CSMD2: variants seen among roughly 807,000 people sequenced by gnomAD.
CSMD2 encodes the protein CUB and Sushi multiple domains 2.
CSMD2 carries 130 observed loss-of-function variants against 398.5 expected under a neutral mutation model. The ratio of observed to expected loss-of-function variants is 0.33; its 90% CI spans 0.28 to 0.38. CSMD2 has a LOEUF of 0.38. Ranked by LOEUF, CSMD2 falls within the 10% of genes least tolerant of loss-of-function variation. The pLI is 1.00. For synonymous variants in CSMD2, 1,828 were observed against 1,908.5 expected, an observed-to-expected ratio of 0.96 and a Z score of 1.10; for missense variants, 3,829 against 4,764.9, an observed-to-expected ratio of 0.80 and a Z score of 5.78.
chr1:33,700,198 G>T (rs1645563398), intron 23 of CSMD2, among the ~76,000 whole-genome samples: 1 of 152,046 alleles, frequency 6.6e-6, no homozygotes, highest in Non-Finnish European at 1.5e-5. Flanking sequence ...TAGTAGAGAT[G>T]GGGTTTCACC....
At chr1:33,764,265 C>T (rs868093052) in intron 13 of CSMD2, among the ~76,000 whole-genome samples, 1 of 152,120 alleles carries the variant, frequency 6.6e-6, no homozygotes, top group African/African-American at 2.4e-5. Context: ...CCCTGGACTC[C>T]CTCAACTCTG....
In CSMD2 at chr1:34,164,939, A is replaced by C. The variant is rs182416674; in HGVS notation, c.159T>G (p.Cys53Trp). The change falls in exon 1 of 71, where the codon TGT becomes TGG. Residue 53 changes from cysteine (C) to tryptophan (W), a missense_variant. Around this residue, in one of 5 missense-constraint regions of CSMD2, gnomAD observed 184 missense variants for 217.7 expected, o/e 0.85. Transcript: ENST00000373381. The surrounding 1 kb of genome is among the most constrained non-coding windows in gnomAD (Gnocchi z 6.2). ...CGGCGGCCGAGACGCTGAGCAACCCACAGCCCAGCAACAGCAGCAGAGGCG... is the reference window on the plus strand; with the variant it reads ...CGGCGGCCGAGACGCTGAGCAACCCCCAGCCCAGCAACAGCAGCAGAGGCG... Reference protein sequence around the residue: ...TPPPLLLLLGCGLLSVSAAAG... With the variant: ...TPPPLLLLLGWGLLSVSAAAG... 8,642 of 1,220,940 alleles carry C rather than the reference A, an allele frequency of 7.1e-3. 529 individuals carry two copies. The African/African-American group carries it at 0.12, about 17-fold the overall frequency. The allele number at this position is 1,220,940 out of a possible 1,614,324, so 75.6% of individuals were successfully genotyped here. A position where few individuals can be genotyped will look rare whatever the true frequency, so the allele number is the denominator to read the frequency against.
chr1:34,148,997 C>A (rs771136), intron 1 of CSMD2, among the ~76,000 whole-genome samples: 4 of 151,942 alleles, frequency 2.6e-5, no homozygotes, highest in African/African-American at 9.7e-5. Flanking sequence ...GGTCATGAAA[C>A]CTTTGCCCTC....
rs1653511767 is a variant in CSMD2, at chr1:34,053,884, T to C, written c.405-21178A>G. ...ACCCATTGATTACTGGCTCAACAAC[T>C]GTACACAGTTGTCAACTGGGAATAG... On this transcript the variant is annotated intron_variant, in intron 2 of 70. Transcript: ENST00000373381. 2.0e-5 allele frequency among the ~76,000 whole-genome samples: 3 copies of C among 152,160 alleles called. No homozygotes were observed. In the South Asian group the frequency reaches 6.2e-4, roughly 32 times the overall value.
intron 13 of CSMD2, among the ~76,000 whole-genome samples, chr1:33,760,989 G>T (rs543964996): frequency 4.4e-4 from 67 of 152,234 alleles, no homozygotes; most frequent in Admixed American, 1.4e-3. Context: ...GTAACTCCAA[G>T]TCCAGAAGAT....
At position 33,576,429 on chromosome 1, in the gene CSMD2, A is replaced by AT. The variant is rs369679988; in HGVS notation, c.7576+866_7576+867insA. Among the ~76,000 whole-genome samples the AT allele has an allele frequency of 1.4e-3, 218 of 152,282 alleles. 1 individual carries two copies. Among genetic ancestry groups the AT allele is most frequent in the African/African-American group, 5.0e-3 (209 of 41,570 alleles). ...AATATGGTGAAACCCTGTCTCTACTAAAAGTACAAAAATTAGCCAGGCATG... is the reference window on the plus strand; with the variant it reads ...AATATGGTGAAACCCTGTCTCTACTATAAAGTACAAAAATTAGCCAGGCATG... On this transcript the variant is annotated intron_variant, in intron 49 of 70. Transcript: ENST00000373381.
intron 2 of CSMD2, among the ~76,000 whole-genome samples, chr1:34,044,661 A>T (rs1170771947): frequency 6.6e-6 from 1 of 152,194 alleles, no homozygotes. Context: ...ATAAGCCTCC[A>T]CTTCCGAGGG....
At chr1:33,714,079 C>G (rs1414993086) in intron 21 of CSMD2, among the ~76,000 whole-genome samples, 1 of 152,174 alleles carries the variant, frequency 6.6e-6, no homozygotes, top group African/African-American at 2.4e-5. Context: ...TTCCTTTTGT[C>G]CTCCCCTGCT....
chr1:33,785,136 A>T (rs926739135), intron 12 of CSMD2, among the ~76,000 whole-genome samples: 1 of 152,210 alleles, frequency 6.6e-6, no homozygotes, highest in African/African-American at 2.4e-5. Context: ...CACATAGCAT[A>T]TGCTTTATAC....
chr1:33,993,146 T>C (rs891331679), intron 3 of CSMD2, among the ~76,000 whole-genome samples: 47 of 152,268 alleles, frequency 3.1e-4, no homozygotes, highest in African/African-American at 1.1e-3. Context: ...ACATTTACAG[T>C]GCTGTGAATG....
chr1:33,633,588 G>T lies in CSMD2; in HGVS notation c.5087-53C>A. On this transcript the variant is annotated intron_variant, in intron 31 of 70. Coordinates refer to ENST00000373381, the MANE Select transcript of CSMD2 (RefSeq NM_001281956.2). This position sits in a 1 kb window ranked among gnomAD's most constrained non-coding sequence, Gnocchi z 5.0. The stretch of plus-strand genomic sequence containing the variant: ...GGGCAGGCACGCTGGGGGCAGGAGA[G>T]GGGATCTAGGGGTCTAGGGGCCCAA... 7.4e-7 allele frequency: 1 copy of T among 1,346,186 alleles called. No individual in the cohort carries two copies. The highest frequency in any genetic ancestry group is 1.4e-5 in the African/African-American group (1 of 69,260). 83.4% of individuals were successfully genotyped at this position (1,346,186 alleles called of 1,614,324 possible). A position where few individuals can be genotyped will look rare whatever the true frequency, so the allele number is the denominator to read the frequency against.
At chr1:33,572,833 G>T in intron 49 of CSMD2, 142 bp from the exon 50 acceptor site, 1 of 537,558 alleles carries the variant, frequency 1.9e-6, no homozygotes. Flanking sequence ...AAAAGAAAAT[G>T]GGAGGATCAT....
intron 25 of CSMD2, among the ~76,000 whole-genome samples, chr1:33,675,109 A>G (rs1644657503): frequency 6.6e-6 from 1 of 152,240 alleles, no homozygotes; most frequent in Non-Finnish European, 1.5e-5. Flanking sequence ...AACTAAGATC[A>G]GGGCAGAACT....
chr1:33,851,425 C>A (rs905557194), intron 5 of CSMD2, among the ~76,000 whole-genome samples: 2 of 152,116 alleles, frequency 1.3e-5, no homozygotes, highest in Non-Finnish European at 2.9e-5. Flanking sequence ...TAAGTATAAA[C>A]CATCCCTCCC....
At chr1:34,026,346 G>C (rs1275279302) in intron 3 of CSMD2, among the ~76,000 whole-genome samples, 3 of 152,132 alleles carry the variant, frequency 2.0e-5, no homozygotes, top group Non-Finnish European at 2.9e-5. Context: ...GAAAATAAGG[G>C]TACCTCATCC....
intron 41 of CSMD2, among the ~76,000 whole-genome samples, chr1:33,607,184 G>T (rs949930537): frequency 1.3e-5 from 2 of 152,184 alleles, no homozygotes; most frequent in African/African-American, 4.8e-5. Flanking sequence ...CTGAGAAATT[G>T]TCATGGAACA....
In CSMD2 at chr1:34,091,829, G is replaced by C. The variant is rs992128706; in HGVS notation, c.188-2636C>G. Among the ~76,000 whole-genome samples the C allele has an allele frequency of 8.5e-5, 13 of 152,146 alleles. 1 individual carries two copies. The highest frequency in any genetic ancestry group is 8.5e-4 in the Admixed American group (13 of 15,278). On this transcript the variant is annotated intron_variant, in intron 1 of 70. Coordinates refer to ENST00000373381, the MANE Select transcript of CSMD2 (RefSeq NM_001281956.2). The stretch of plus-strand genomic sequence containing the variant: ...TACTTAAGGTGAAACACCTGATTAA[G>C]ATTGGGAACAAGACAGAGGTGCCAC...
chr1:33,710,836 T>C (rs927510490), intron 21 of CSMD2, among the ~76,000 whole-genome samples: 2 of 152,220 alleles, frequency 1.3e-5, no homozygotes, highest in African/African-American at 2.4e-5. Context: ...AGGCTCCTCA[T>C]TAGTCCTTTG....
intron 1 of CSMD2, among the ~76,000 whole-genome samples, chr1:34,102,223 G>A (rs1377741519): frequency 6.6e-6 from 1 of 151,976 alleles, no homozygotes; most frequent in East Asian, 1.9e-4. Context: ...GTAGAGACGG[G>A]GTTTCACTGT....
Sources: gnomAD v4.1 joint callset for allele counts (sites outside exome capture counted in the v4.1 genomes callset) on GRCh38, gnomAD v4.1.1 for gene constraint, gnomAD v4.1.1 regional missense constraint, Gnocchi (gnomAD v3.1) non-coding constraint, MANE v1.5 for transcripts, NCBI Gene and HGNC (gene_info 2026-07-23, HGNC 2026-07-21) for gene names.